Variants in ERBB4 observed in about 807,000 individuals in gnomAD.
ERBB4 encodes erb-b2 receptor tyrosine kinase 4, also known as receptor tyrosine-protein kinase erbB-4.
Under a neutral mutation model 158.0 loss-of-function variants are expected in ERBB4, and 42 were observed. The ratio of observed to expected loss-of-function variants is 0.27; its 90% confidence interval spans 0.21 to 0.34. ERBB4 has a LOEUF of 0.34. ERBB4 is among the 10% of genes least tolerant of loss of function. The pLI, the probability that ERBB4 is intolerant of heterozygous loss-of-function variation, is 1.00. For synonymous variants in ERBB4, 583 were observed against 558.7 expected (o/e 1.04, Z -0.61); for missense variants, 1,333 against 1,624.1 (o/e 0.82, Z 3.08).
At chr2:212,243,841 A>C (rs1292406191) in intron 1 of ERBB4, among the ~76,000 whole-genome samples, 1 of 152,168 alleles carries the variant, frequency 6.6e-6, no homozygotes, top group Non-Finnish European at 1.5e-5. Context: ...ATTACTATTT[A>C]GCATCAGTAA....
intron 1 of ERBB4, among the ~76,000 whole-genome samples, chr2:212,207,778 T>C (rs2082811088): frequency 6.6e-6 from 1 of 152,164 alleles, no homozygotes; most frequent in South Asian, 2.1e-4. Flanking sequence ...TTAAAAAGGA[T>C]AGAATTTTAC....
At chr2:211,599,970 C>G (rs1389843136) in intron 19 of ERBB4, among the ~76,000 whole-genome samples, 1 of 152,028 alleles carries the variant, frequency 6.6e-6, no homozygotes, top group Non-Finnish European at 1.5e-5. Context: ...TTTCTTGTTT[C>G]CATGTGAGGA....
intron 2 of ERBB4, among the ~76,000 whole-genome samples, chr2:212,047,392 A>G (rs186067761): frequency 2.6e-5 from 4 of 152,312 alleles, no homozygotes; most frequent in Non-Finnish European, 5.9e-5. Context: ...CTATTTTGCA[A>G]GAATGAAAAG....
At chr2:211,803,688 A>G (rs1413974085) in intron 3 of ERBB4, among the ~76,000 whole-genome samples, 1 of 152,224 alleles carries the variant, frequency 6.6e-6, no homozygotes, top group African/African-American at 2.4e-5. Context: ...CTTCTATGCA[A>G]AGCACGTCTG....
At chr2:211,534,835 T>C (rs1484758974) in intron 20 of ERBB4, among the ~76,000 whole-genome samples, 1 of 152,020 alleles carries the variant, frequency 6.6e-6, no homozygotes, top group Non-Finnish European at 1.5e-5. Flanking sequence ...CGTTGACTAA[T>C]GACACCTGAC....
At chr2:212,042,517 G>A (rs1002094110) in intron 2 of ERBB4, among the ~76,000 whole-genome samples, 2 of 152,040 alleles carry the variant, frequency 1.3e-5, no homozygotes, top group East Asian at 3.9e-4. Flanking sequence ...GCAACCAGGT[G>A]CTTTCCGTTA....
intron 2 of ERBB4, among the ~76,000 whole-genome samples, chr2:211,956,468 A>G (rs111227311): frequency 9.9e-5 from 15 of 152,110 alleles, no homozygotes; most frequent in African/African-American, 3.4e-4. Flanking sequence ...CAGCCTAGTG[A>G]TTAAATTTGG....
intron 15 of ERBB4, among the ~76,000 whole-genome samples, chr2:211,663,497 C>T (rs2105914203): frequency 6.6e-6 from 1 of 152,228 alleles, no homozygotes; most frequent in South Asian, 2.1e-4. Flanking sequence ...CCCATTACAC[C>T]TTCATCCTTC....
At chr2:211,824,398 G>T (rs1407511169) in intron 3 of ERBB4, among the ~76,000 whole-genome samples, 1 of 151,958 alleles carries the variant, frequency 6.6e-6, no homozygotes, top group Non-Finnish European at 1.5e-5. Context: ...GGAAGGCAAG[G>T]ATAGGAAATA....
At chr2:212,388,200 A>C (rs1014437845) in intron 1 of ERBB4, among the ~76,000 whole-genome samples, 2 of 152,128 alleles carry the variant, frequency 1.3e-5, no homozygotes, top group African/African-American at 4.8e-5. Flanking sequence ...AATTTATTAA[A>C]ATAGGAAGAA....
chr2:211,527,868 AAAAAT>A (rs2066392641), intron 20 of ERBB4, among the ~76,000 whole-genome samples: 1 of 152,072 alleles, frequency 6.6e-6, no homozygotes, highest in African/African-American at 2.4e-5. Context: ...TGGATACACA[AAAAAT>A]AAAAAGCAAG....
intron 1 of ERBB4, among the ~76,000 whole-genome samples, chr2:212,421,013 T>A (rs1474801666): frequency 6.6e-6 from 1 of 152,166 alleles, no homozygotes; most frequent in East Asian, 1.9e-4. Context: ...AAGTTATAAA[T>A]ATGCCATATA....
chr2:211,676,661 C>A (rs1213621627), intron 13 of ERBB4, among the ~76,000 whole-genome samples: 1 of 152,138 alleles, frequency 6.6e-6, no homozygotes, highest in African/African-American at 2.4e-5. Context: ...TCAGCCCATA[C>A]TTAATTAAAC....
intron 2 of ERBB4, among the ~76,000 whole-genome samples, chr2:211,973,288 G>A (rs967630517): frequency 1.1e-4 from 16 of 150,816 alleles, no homozygotes; most frequent in East Asian, 3.9e-4. Context: ...TGCAAGCTCC[G>A]CCTCCCAGGT....
rs1402744514 is a variant in ERBB4, at chr2:211,709,254, C to CACATATATATATAT, written c.1124+2795_1124+2796insATATATATATATGT. The stretch of plus-strand genomic sequence containing the variant: ...GTGTGTGTATATATATATATATACA[C>CACATATATATATAT]ATATATATATATATATATATACATA... On this transcript the variant is annotated intron_variant, in intron 9 of 27. Transcript: ENST00000342788. Among the ~76,000 whole-genome samples the CACATATATATATAT allele has an allele frequency of 4.9e-3, 501 of 101,466 alleles. 2 individuals are homozygous for CACATATATATATAT. The highest frequency in any genetic ancestry group is 0.018 in the African/African-American group (453 of 25,364). The allele number at this position is 101,466 out of a possible 152,430, so 66.6% of individuals were successfully genotyped here. A position where few individuals can be genotyped will look rare whatever the true frequency, so the allele number is the denominator to read the frequency against.
At chr2:211,865,850 T>A (rs1681876118) in intron 3 of ERBB4, among the ~76,000 whole-genome samples, 1 of 152,214 alleles carries the variant, frequency 6.6e-6, no homozygotes, top group Admixed American at 6.5e-5. Flanking sequence ...TCCAGTACCA[T>A]TCATATTATA....
intron 23 of ERBB4, among the ~76,000 whole-genome samples, chr2:211,423,381 G>GTT (rs1396205269): frequency 6.6e-6 from 1 of 151,848 alleles, no homozygotes; most frequent in Non-Finnish European, 1.5e-5. Flanking sequence ...TCACAAGTTT[G>GTT]TTTCTTTGCT....
At chr2:211,460,456 G>C (rs1376331847) in intron 20 of ERBB4, among the ~76,000 whole-genome samples, 2 of 151,948 alleles carry the variant, frequency 1.3e-5, no homozygotes, top group Admixed American at 6.6e-5. Flanking sequence ...TCTTAGAGTG[G>C]GTTAATAACC....
intron 1 of ERBB4, among the ~76,000 whole-genome samples, chr2:212,389,165 C>T (rs2090773523): frequency 6.6e-6 from 1 of 151,986 alleles, no homozygotes; most frequent in Non-Finnish European, 1.5e-5. Flanking sequence ...ATTAGCAAAC[C>T]CCTCTTACAT....
Sources: gnomAD v4.1 joint callset for allele counts (sites outside exome capture counted in the v4.1 genomes callset) on GRCh38, gnomAD v4.1.1 for gene constraint, MANE v1.5 for transcripts, NCBI Gene and HGNC (gene_info 2026-07-23, HGNC 2026-07-21) for gene names.